The following GLRA2 variants were observed in gnomAD, a reference collection of about 807,000 sequenced individuals.
GLRA2 encodes the protein glycine receptor alpha 2.
A neutral mutation model predicts 31.6 loss-of-function variants in GLRA2; 11 were observed. That is an observed-to-expected ratio of 0.35 (90% CI 0.22 to 0.58). The LOEUF is 0.58. Ranked by LOEUF, GLRA2 falls within the 20% of genes least tolerant of loss-of-function variation. The probability of loss-of-function intolerance (pLI) is 0.84; values close to 1 mark genes in which losing one functional copy is unlikely to be tolerated. For synonymous variants in GLRA2, 132 were observed against 134.0 expected (o/e 0.99, Z 0.10); for missense variants, 212 against 351.8 (o/e 0.60, Z 3.18).
chrX:14,694,565 A>G (rs775557194), intron 8 of GLRA2, among the ~76,000 whole-genome samples: 2 of 112,321 alleles, frequency 1.8e-5, no homozygotes, highest in East Asian at 5.6e-4. Flanking sequence ...CAAGAGTAGC[A>G]GCAGATAAGT....
intron 8 of GLRA2, among the ~76,000 whole-genome samples, chrX:14,693,138 G>T: frequency 9.1e-6 from 1 of 110,203 alleles, no homozygotes; most frequent in East Asian, 2.8e-4. Flanking sequence ...TATTATAAAT[G>T]CAGTAAAGAA....
chrX:14,698,200 A>T (rs2147201758), intron 8 of GLRA2, among the ~76,000 whole-genome samples: 1 of 111,352 alleles, frequency 9.0e-6, no homozygotes, highest in Admixed American at 9.5e-5. Flanking sequence ...ATTAATAATG[A>T]TATTTTCAAA....
chrX:14,543,033 T>C (rs1238576397), intron 2 of GLRA2, among the ~76,000 whole-genome samples: 1 of 109,802 alleles, frequency 9.1e-6, no homozygotes, highest in Non-Finnish European at 1.9e-5. Context: ...TTTGCCCTTA[T>C]ATCAGAAGGA....
chrX:14,544,700 A>G (rs970302604), intron 2 of GLRA2, among the ~76,000 whole-genome samples: 33 of 112,021 alleles, frequency 2.9e-4, no homozygotes, highest in African/African-American at 9.7e-4. Context: ...AGGAAAAACT[A>G]TTGAAAATTG....
intron 8 of GLRA2, among the ~76,000 whole-genome samples, chrX:14,712,252 G>GGATGTTCA (rs1282052878): frequency 8.9e-6 from 1 of 112,244 alleles, no homozygotes. Context: ...GTGCATTGCA[G>GGATGTTCA]GATGTTCAGC....
chrX:14,586,319 A>T (rs2090080413), intron 4 of GLRA2, among the ~76,000 whole-genome samples: 2 of 112,239 alleles, frequency 1.8e-5, no homozygotes, highest in South Asian at 7.4e-4. Context: ...TGTAGGACAC[A>T]ATCTTTGTTG....
At chrX:14,600,068 A>G (rs1220992726) in intron 4 of GLRA2, among the ~76,000 whole-genome samples, 2 of 111,411 alleles carry the variant, frequency 1.8e-5, no homozygotes, top group East Asian at 5.6e-4. Context: ...AAACCCACTG[A>G]GTTCTCAGCT....
At chrX:14,653,236 A>C (rs2090907398) in intron 7 of GLRA2, among the ~76,000 whole-genome samples, 1 of 111,986 alleles carries the variant, frequency 8.9e-6, no homozygotes, top group Non-Finnish European at 1.9e-5. Context: ...TTTTTAAAAA[A>C]TGAATTTCAT....
chrX:14,604,671 G>A (rs143136859), intron 5 of GLRA2, among the ~76,000 whole-genome samples: 1,162 of 106,856 alleles, frequency 0.011, 21 homozygotes, highest in African/African-American at 0.037. Context: ...TTCTCCCCCC[G>A]CCCAAAAAAT....
chrX:14,484,403 C>G, the GLRA2 span, among the ~76,000 whole-genome samples: 4 of 112,039 alleles, frequency 3.6e-5, no homozygotes. Context: ...TCTGGACTTT[C>G]TTTGCAATTT....
chrX:14,645,781 T>C (rs984785883), intron 7 of GLRA2, among the ~76,000 whole-genome samples: 3 of 111,972 alleles, frequency 2.7e-5, no homozygotes, highest in Admixed American at 1.9e-4. Context: ...ATTAAAGGGC[T>C]TTCATCTGTT....
chrX:14,691,333 G>A (rs1310114436), intron 8 of GLRA2, among the ~76,000 whole-genome samples: 6 of 91,644 alleles, frequency 6.5e-5, no homozygotes, highest in South Asian at 4.9e-4. Flanking sequence ...GTGCGCGCGT[G>A]CGTGCGTGTA....
chrX:14,470,815 C>G, the GLRA2 span, among the ~76,000 whole-genome samples: 1 of 111,717 alleles, frequency 9.0e-6, no homozygotes, highest in African/African-American at 3.3e-5. Flanking sequence ...TTCTGAGAAG[C>G]CTACCTTATA....
intron 8 of GLRA2, among the ~76,000 whole-genome samples, chrX:14,710,621 T>C (rs919173508): frequency 8.9e-6 from 1 of 111,985 alleles, no homozygotes; most frequent in South Asian, 3.7e-4. Context: ...ACGTCAAAGA[T>C]AATTGAAAGA....
At chrX:14,623,676 G>C (rs1050690754) in intron 7 of GLRA2, among the ~76,000 whole-genome samples, 1 of 111,605 alleles carries the variant, frequency 9.0e-6, no homozygotes, top group Non-Finnish European at 1.9e-5. Context: ...TGTTGAACCA[G>C]CCTTGCATCC....
At chrX:14,461,216 G>A in the GLRA2 span, among the ~76,000 whole-genome samples, 28 of 112,160 alleles carry the variant, frequency 2.5e-4, no homozygotes, top group African/African-American at 8.7e-4. Flanking sequence ...TAGTCTGAAA[G>A]ACAGTTGTGA....
intron 5 of GLRA2, among the ~76,000 whole-genome samples, chrX:14,604,717 T>C (rs2090316200): frequency 9.1e-6 from 1 of 110,033 alleles, no homozygotes; most frequent in African/African-American, 3.3e-5. Flanking sequence ...GAAATGAAAA[T>C]GTCTCCTGAG....
chrX:14,583,222 A>G (rs1182490380), intron 4 of GLRA2, among the ~76,000 whole-genome samples: 1 of 112,286 alleles, frequency 8.9e-6, no homozygotes, highest in Non-Finnish European at 1.9e-5. Flanking sequence ...GCTGGTGGGA[A>G]TGTAAATTAG....
At chrX:14,458,945 C>T in the GLRA2 span, among the ~76,000 whole-genome samples, 1 of 111,610 alleles carries the variant, frequency 9.0e-6, no homozygotes, top group African/African-American at 3.3e-5. Context: ...GAAGTCCCTG[C>T]CCATGCCTAT....
Sources: allele counts gnomAD v4.1 joint callset (sites outside exome capture counted in the v4.1 genomes callset), GRCh38; gene constraint gnomAD v4.1.1; transcripts MANE v1.5; gene names NCBI Gene and HGNC (gene_info 2026-07-23, HGNC 2026-07-21).